The following EDIL3 variants were observed in gnomAD, a reference collection of about 807,000 sequenced individuals.
EDIL3 encodes EGF like and discoidin domains 3, also known as EGF-like repeat and discoidin I-like domain-containing protein 3.
A neutral mutation model predicts 67.4 loss-of-function variants in EDIL3; 37 were observed. That is an observed-to-expected ratio of 0.55 (90% CI 0.42 to 0.72). The LOEUF is 0.72. Among genes scored for constraint, EDIL3 ranks in the 30% least tolerant of loss-of-function variants. The probability of loss-of-function intolerance (pLI) is 0.00; values close to 1 mark genes in which losing one functional copy is unlikely to be tolerated. For synonymous variants in EDIL3, 195 were observed against 196.3 expected, an observed-to-expected ratio of 0.99 and a Z score of 0.05; for missense variants, 527 against 586.3, an observed-to-expected ratio of 0.90 and a Z score of 1.04.
At chr5:84,011,889 C>A (rs1218432183) in intron 9 of EDIL3, among the ~76,000 whole-genome samples, 1 of 152,042 alleles carries the variant, frequency 6.6e-6, no homozygotes. Flanking sequence ...ATCGATTTTG[C>A]CTTATTTTGC....
chr5:84,284,721 T>G (rs773658077), intron 1 of EDIL3, among the ~76,000 whole-genome samples: 1 of 152,078 alleles, frequency 6.6e-6, no homozygotes, highest in African/African-American at 2.4e-5. Context: ...TAATTAAAAG[T>G]GATGCAGTAA....
intron 4 of EDIL3, among the ~76,000 whole-genome samples, chr5:84,138,828 A>G (rs1008458791): frequency 2.6e-5 from 4 of 152,188 alleles, no homozygotes; most frequent in Non-Finnish European, 5.9e-5. Flanking sequence ...AAGAACAGAG[A>G]TAATTCATGA....
rs1047121328 is a variant in EDIL3, at chr5:84,128,472, A to G, written c.469+8769T>C. 1.3e-4 allele frequency among the ~76,000 whole-genome samples: 11 copies of G among 87,606 alleles called. No individual in the cohort carries two copies. The Admixed American group carries it at 1.3e-3, about 10-fold the overall frequency. The allele number at this position is 87,606 out of a possible 152,430, so 57.5% of individuals were successfully genotyped here. The stretch of plus-strand genomic sequence containing the variant: ...AACGCCACATTAACATGTAGAAGAT[A>G]CTGTCTGGCCCACAAATTAACAATT... On this transcript the variant is annotated intron_variant, in intron 5 of 10. Coordinates refer to ENST00000296591, the MANE Select transcript of EDIL3 (RefSeq NM_005711.5).
chr5:84,242,164 G>A (rs1450088317), intron 2 of EDIL3, among the ~76,000 whole-genome samples: 2 of 151,526 alleles, frequency 1.3e-5, no homozygotes, highest in Non-Finnish European at 2.9e-5. Flanking sequence ...CCTGGGAGGC[G>A]GAGCTTGCAG....
intron 9 of EDIL3, among the ~76,000 whole-genome samples, chr5:84,045,797 G>T (rs1398675418): frequency 1.3e-5 from 2 of 152,074 alleles, no homozygotes; most frequent in African/African-American, 4.8e-5. Flanking sequence ...TAATTAAAAA[G>T]AAATGAATGC....
chr5:84,305,970 A>T (rs1253867588), intron 1 of EDIL3, among the ~76,000 whole-genome samples: 1 of 152,052 alleles, frequency 6.6e-6, no homozygotes, highest in Non-Finnish European at 1.5e-5. Context: ...CCTTACTTTC[A>T]TGTCATGTCC....
At chr5:84,093,753 A>AGATTCAAGTGATTCT (rs1446560233) in intron 6 of EDIL3, among the ~76,000 whole-genome samples, 1 of 144,218 alleles carries the variant, frequency 6.9e-6, no homozygotes, top group Non-Finnish European at 1.5e-5. Context: ...TCTGTACCCC[A>AGATTCAAGTGATTCT]GATTCAAGTG....
chr5:84,195,749 G>A (rs985561899), intron 3 of EDIL3, among the ~76,000 whole-genome samples: 3 of 152,010 alleles, frequency 2.0e-5, no homozygotes, highest in African/African-American at 7.2e-5. Context: ...GATGAAGAAT[G>A]AGGCTTGCCC....
intron 6 of EDIL3, among the ~76,000 whole-genome samples, chr5:84,105,632 C>T (rs1747446412): frequency 6.6e-6 from 1 of 151,878 alleles, no homozygotes; most frequent in Admixed American, 6.6e-5. Flanking sequence ...GCAATATCTC[C>T]CTACTCTACT....
chr5:84,008,556 AG>A (rs2112177652), intron 9 of EDIL3, among the ~76,000 whole-genome samples: 1 of 152,294 alleles, frequency 6.6e-6, no homozygotes, highest in Admixed American at 6.5e-5. Context: ...GAGGAAAAAC[AG>A]CACTAAAAAC....
chr5:84,092,952 G>A (rs908961084), intron 6 of EDIL3, among the ~76,000 whole-genome samples: 2 of 152,140 alleles, frequency 1.3e-5, no homozygotes, highest in Non-Finnish European at 2.9e-5. Flanking sequence ...AGTGATTATG[G>A]AGTAAAGTAT....
At chr5:84,250,601 C>CTG (rs891888871) in intron 2 of EDIL3, among the ~76,000 whole-genome samples, 1 of 152,136 alleles carries the variant, frequency 6.6e-6, no homozygotes, top group African/African-American at 2.4e-5. Flanking sequence ...AACAAAGCTA[C>CTG]TGCAAAGTAG....
intron 2 of EDIL3, among the ~76,000 whole-genome samples, chr5:84,253,120 T>A (rs1232989910): frequency 1.3e-5 from 2 of 152,136 alleles, no homozygotes; most frequent in Non-Finnish European, 2.9e-5. Flanking sequence ...ATGCATAAGG[T>A]AATTAAGTTA....
chr5:84,255,831 T>C (rs1745112650), intron 1 of EDIL3, among the ~76,000 whole-genome samples: 1 of 152,166 alleles, frequency 6.6e-6, no homozygotes, highest in Non-Finnish European at 1.5e-5. Context: ...TGAATTAATG[T>C]TTGGGGAATA....
At chr5:83,959,019 T>TA (rs1744561533) in intron 10 of EDIL3, among the ~76,000 whole-genome samples, 1 of 151,038 alleles carries the variant, frequency 6.6e-6, no homozygotes, top group African/African-American at 2.4e-5. Context: ...GGAAATTAGC[T>TA]AAAAAACAAT....
At chr5:84,325,434 A>C (rs558769790) in intron 1 of EDIL3, among the ~76,000 whole-genome samples, 31 of 152,108 alleles carry the variant, frequency 2.0e-4, no homozygotes, top group Admixed American at 6.6e-4. Flanking sequence ...CTTCAATGAG[A>C]TATCACCTCA....
Position 84,079,941 on chromosome 5 carries a change from C to A in EDIL3, c.652-13335G>T, listed in dbSNP as rs79928469. Among the ~76,000 whole-genome samples, 761 of 151,742 alleles carry A rather than the reference C, an allele frequency of 5.0e-3. 8 individuals are homozygous for A. The highest frequency in any genetic ancestry group is 0.035 in the East Asian group (180 of 5,124). ...CTGTGAAGGCTTGGGTGGTGAGAAGCATCATGAACACACCTAAGGAGGAAG... is the reference window on the plus strand; with the variant it reads ...CTGTGAAGGCTTGGGTGGTGAGAAGAATCATGAACACACCTAAGGAGGAAG... On this transcript the variant is annotated intron_variant, in intron 6 of 10. Transcript: ENST00000296591.
intron 5 of EDIL3, among the ~76,000 whole-genome samples, chr5:84,117,556 TAAAC>T (rs1376387648): frequency 7.1e-6 from 1 of 140,476 alleles, no homozygotes; most frequent in Non-Finnish European, 1.6e-5. Flanking sequence ...ATTAAGTAAA[TAAAC>T]AAATATACTT....
chr5:84,290,816 A>G (rs1336029082), intron 1 of EDIL3, among the ~76,000 whole-genome samples: 1 of 152,100 alleles, frequency 6.6e-6, no homozygotes, highest in Non-Finnish European at 1.5e-5. Context: ...ATTTTCTCCT[A>G]TTAATCTGCC....
Sources: gnomAD v4.1 joint callset for allele counts (sites outside exome capture counted in the v4.1 genomes callset) on GRCh38, gnomAD v4.1.1 for gene constraint, MANE v1.5 for transcripts, NCBI Gene and HGNC (gene_info 2026-07-23, HGNC 2026-07-21) for gene names.